FRYL: variants seen among roughly 807,000 people sequenced by gnomAD.
The protein encoded by FRYL is protein furry homolog-like.
In FRYL, 150 loss-of-function variants were observed where a neutral mutation model predicts 351.2. The observed-to-expected ratio is 0.43, with a 90% CI of 0.37 to 0.49. FRYL has a LOEUF of 0.49. FRYL is among the 20% of genes least tolerant of loss of function. The probability of loss-of-function intolerance (pLI) is 0.00; values close to 1 mark genes in which losing one functional copy is unlikely to be tolerated. For missense variants in FRYL, 3,036 were observed against 3,619.3 expected (o/e 0.84, Z 4.13); for synonymous variants, 1,153 against 1,257.1 (o/e 0.92, Z 1.75).
chr4:48,620,676 A>G lies in FRYL; in HGVS notation c.277T>C (p.Tyr93His). The G allele has an allele frequency of 6.2e-7, 1 of 1,613,934 alleles. No homozygotes were observed. The highest frequency in any genetic ancestry group is 1.1e-5 in the South Asian group (1 of 91,064). The change falls in exon 6 of 64, where the codon TAT becomes CAT. Residue 93 changes from tyrosine (Y) to histidine (H), a missense_variant. By Grantham distance (83) the Tyr-to-His change is moderately conservative. Coordinates refer to ENST00000358350, the MANE Select transcript of FRYL (RefSeq NM_015030.2). ...GTGCTAGACCGAGGCCTATATTCAT[A>G]AGATTCATCTTCCGTTCCATTTTGG... ...RRQNGTEDES[Y>H]EYRPRSSTKS...
At position 48,507,882 on chromosome 4, in the gene FRYL, C is replaced by T. The variant is rs1321652183; in HGVS notation, c.8394+2177G>A. On this transcript the variant is annotated intron_variant, in intron 59 of 63. Coordinates refer to ENST00000358350, the MANE Select transcript of FRYL (RefSeq NM_015030.2). ...GAGAGGCTACAAAACCACACAGCAG[C>T]CCCTGGGAGACTGAGAAGGTCGGCA... 6.6e-5 allele frequency among the ~76,000 whole-genome samples: 10 copies of T among 152,218 alleles called. No individual in the cohort carries two copies. In the East Asian group the frequency reaches 1.9e-3, roughly 29 times the overall value.
At position 48,505,418 on chromosome 4, in the gene FRYL, T is replaced by A; in HGVS notation, c.8463+129A>T. 7.3e-6 allele frequency: 5 copies of A among 689,204 alleles called. 1 individual carries two copies. In the South Asian group the frequency reaches 8.0e-5, roughly 11 times the overall value. The allele number at this position is 689,204 out of a possible 1,614,324, so 42.7% of individuals were successfully genotyped here. A position where few individuals can be genotyped will look rare whatever the true frequency, so the allele number is the denominator to read the frequency against. On this transcript the variant is annotated intron_variant, in intron 60 of 63. Transcript: ENST00000358350. Reference sequence around the variant, plus strand: ...TGAGCTTTTACAAAGATTGTTTTGATAACCAAAATGAAAAGTTTTACAAAT... The same window carrying A: ...TGAGCTTTTACAAAGATTGTTTTGAAAACCAAAATGAAAAGTTTTACAAAT...
At chr4:48,759,034 G>C (rs1774129411) in intron 1 of FRYL, among the ~76,000 whole-genome samples, 1 of 152,142 alleles carries the variant, frequency 6.6e-6, no homozygotes, top group South Asian at 2.1e-4. Flanking sequence ...TGAAGAATGA[G>C]AACACCGGGA....
In FRYL at chr4:48,631,625, G is replaced by A. The variant is rs78710631; in HGVS notation, c.120+2666C>T. Among the ~76,000 whole-genome samples, 5 of 152,050 alleles carry A rather than the reference G, an allele frequency of 3.3e-5. No homozygotes were observed. In the South Asian group the frequency reaches 8.3e-4, roughly 25 times the overall value. ...TTCCTGGTATCGAGTAACTCACATC[G>A]GAGAAGATAAACATGTAAGCAATTA... On this transcript the variant is annotated intron_variant, in intron 4 of 63. Coordinates refer to ENST00000358350, the MANE Select transcript of FRYL (RefSeq NM_015030.2).
At chr4:48,569,740 T>G (rs1737827094) in intron 27 of FRYL, among the ~76,000 whole-genome samples, 1 of 152,222 alleles carries the variant, frequency 6.6e-6, no homozygotes, top group Non-Finnish European at 1.5e-5. Context: ...AATAAATAAT[T>G]GGGAGAAATG....
chr4:48,734,490 C>T (rs1429029109), intron 1 of FRYL, among the ~76,000 whole-genome samples: 1 of 152,124 alleles, frequency 6.6e-6, no homozygotes, highest in Non-Finnish European at 1.5e-5. Flanking sequence ...CTATCAGAAG[C>T]AAACAGATCA....
intron 1 of FRYL, among the ~76,000 whole-genome samples, chr4:48,738,187 A>G (rs1475687700): frequency 2.0e-5 from 3 of 152,242 alleles, no homozygotes; most frequent in African/African-American, 7.2e-5. Context: ...AGATGACAGG[A>G]TCATTTATGT....
intron 1 of FRYL, among the ~76,000 whole-genome samples, chr4:48,713,469 T>A (rs1183419677): frequency 6.6e-6 from 1 of 152,018 alleles, no homozygotes; most frequent in African/African-American, 2.4e-5. Flanking sequence ...GCGGTTGCAA[T>A]CCTAGTCTCT....
chr4:48,733,943 A>G (rs1771006529), intron 1 of FRYL, among the ~76,000 whole-genome samples: 1 of 152,194 alleles, frequency 6.6e-6, no homozygotes, highest in African/African-American at 2.4e-5. Flanking sequence ...GGAATCATAT[A>G]AAATGCTCAA....
intron 1 of FRYL, among the ~76,000 whole-genome samples, chr4:48,771,041 A>G (rs985864140): frequency 4.6e-5 from 7 of 152,216 alleles, no homozygotes; most frequent in African/African-American, 1.4e-4. Context: ...GAACAATTCT[A>G]AACAAGTCAC....
In FRYL at chr4:48,675,376, C is replaced by T. The variant is rs567947511; in HGVS notation, c.-81+9297G>A. On this transcript the variant is annotated intron_variant, in intron 3 of 63. Coordinates refer to ENST00000358350, the MANE Select transcript of FRYL (RefSeq NM_015030.2). ...GAGCGGAAACCGGGGCTGCCTGCGG[C>T]GCTTGCGGGCCAGCTGGAGTTCCGG... Among the ~76,000 whole-genome samples, 10 of 152,320 alleles carry T rather than the reference C, an allele frequency of 6.6e-5. No individual in the cohort carries two copies. In the East Asian group the frequency reaches 9.7e-4, roughly 15 times the overall value.
In FRYL at chr4:48,497,522, T is replaced by C. The variant is rs1378309925; in HGVS notation, c.*1900A>G. 6.6e-6 allele frequency: 1 copy of C among 152,658 alleles called. No homozygotes were observed. Among genetic ancestry groups the C allele is most frequent in the Non-Finnish European group, 1.5e-5 (1 of 68,036 alleles). The allele number at this position is 152,658 out of a possible 1,614,324, so 9.5% of individuals were successfully genotyped here. A position where few individuals can be genotyped will look rare whatever the true frequency, so the allele number is the denominator to read the frequency against. ...TAACATTTGAAAGGTTTCTAAATGA[T>C]GCACACTGTAATCATTCATTCTTTG... On this transcript the variant is annotated 3_prime_UTR_variant, in exon 64 of 64. Transcript: ENST00000358350.
At chr4:48,756,930 G>C (rs531974245) in intron 1 of FRYL, among the ~76,000 whole-genome samples, 1 of 152,070 alleles carries the variant, frequency 6.6e-6, no homozygotes, top group Admixed American at 6.6e-5. Context: ...CCTGGGCTAC[G>C]GAGTGAGACT....
chr4:48,641,177 G>C (rs1265607323), intron 3 of FRYL, among the ~76,000 whole-genome samples: 1 of 151,920 alleles, frequency 6.6e-6, no homozygotes, highest in Non-Finnish European at 1.5e-5. Flanking sequence ...AATGTGAAGA[G>C]GAAAAAAGGA....
chr4:48,775,921 G>T (rs920630181), intron 1 of FRYL, among the ~76,000 whole-genome samples: 2 of 151,732 alleles, frequency 1.3e-5, no homozygotes, highest in Non-Finnish European at 2.9e-5. Context: ...TAGGCCTGGA[G>T]AAATTATTTT....
In FRYL at chr4:48,534,584, A is replaced by G. The variant is rs757060989; in HGVS notation, c.6666T>C (p.Phe2222=). 16 of 1,612,858 alleles carry G rather than the reference A, an allele frequency of 9.9e-6. No homozygotes were observed. Among genetic ancestry groups the G allele is most frequent in the Admixed American group, 8.3e-5 (5 of 59,940 alleles). ...IDLSAAPAKQ[F]NLEIIKIIGK... is the part of the protein sequence containing the mutation. The stretch of plus-strand genomic sequence containing the variant: ...CAATAATCTTTATGATCTCCAGATT[A>G]AACTGCTTGGCTGGGGCTGCAGACA... Residue 2222 remains phenylalanine, a synonymous_variant, in exon 49 of 64, where the codon TTT becomes TTC. Coordinates refer to ENST00000358350, the MANE Select transcript of FRYL (RefSeq NM_015030.2).
chr4:48,653,291 T>C (rs1044309030), intron 3 of FRYL, among the ~76,000 whole-genome samples: 4 of 152,210 alleles, frequency 2.6e-5, no homozygotes, highest in African/African-American at 9.6e-5. Flanking sequence ...ATTATGTTTC[T>C]AGTGCCTTAA....
At chr4:48,504,587 TTTAACA>T (rs1378869833) in intron 60 of FRYL, among the ~76,000 whole-genome samples, 1 of 152,122 alleles carries the variant, frequency 6.6e-6, no homozygotes, top group Non-Finnish European at 1.5e-5. Flanking sequence ...GCAGTTTCTT[TTTAACA>T]TTAGTGCAGG....
intron 1 of FRYL, among the ~76,000 whole-genome samples, chr4:48,733,030 C>T (rs1770909521): frequency 6.6e-6 from 1 of 151,664 alleles, no homozygotes. Context: ...AATCCCAGCA[C>T]TTTGGGAGGC....
Sources: gnomAD v4.1 joint callset for allele counts (sites outside exome capture counted in the v4.1 genomes callset) on GRCh38, gnomAD v4.1.1 for gene constraint, MANE v1.5 for transcripts, NCBI Gene and HGNC (gene_info 2026-07-23, HGNC 2026-07-21) for gene names.